VWA1: variants seen among roughly 807,000 people sequenced by gnomAD.
VWA1 encodes the protein von Willebrand factor A domain-containing protein 1.
In VWA1, 12 loss-of-function variants were observed where a neutral mutation model predicts 14.9. The ratio of observed to expected loss-of-function variants is 0.80; its 90% CI spans 0.52 to 1.30. The LOEUF (loss-of-function observed/expected upper bound fraction) is 1.30. Ranked by LOEUF, VWA1 falls within the 50% of genes most tolerant of loss-of-function variation. The pLI, the probability that VWA1 is intolerant of heterozygous loss-of-function variation, is 0.00. For missense variants in VWA1, 800 were observed against 649.1 expected (o/e 1.23, Z -2.53); for synonymous variants, 368 against 310.7 (o/e 1.18, Z -1.94).
chr1:1,439,265 C>A lies in VWA1; in HGVS notation c.816C>A (p.Gly272=). 1 of 1,606,338 alleles carries A rather than the reference C, an allele frequency of 6.2e-7. No individual in the cohort carries two copies. The highest frequency in any genetic ancestry group is 8.5e-7 in the Non-Finnish European group (1 of 1,178,464). The change falls in exon 3 of 3, where the codon GGC becomes GGA. Residue 272 remains glycine, a synonymous_variant. Coordinates refer to ENST00000476993, the MANE Select transcript of VWA1 (RefSeq NM_022834.5). ...ACGCCACGGACTGGATCTGGGCCGG[C>A]CTCGACCCGGACACGGACTACGACG... ...PGNATDWIWA[G]LDPDTDYDVA... is the part of the protein sequence containing the mutation.
At chr1:1,437,693 A>C (rs1013858065) in intron 2 of VWA1, among the ~76,000 whole-genome samples, 6 of 152,290 alleles carry the variant, frequency 3.9e-5, no homozygotes, top group East Asian at 3.9e-4. Context: ...AGACGGGGGC[A>C]GGCTTGAGTA....
Position 1,437,362 on chromosome 1 carries a change from C to T in VWA1, c.509C>T (p.Thr170Ile). ...DLGVTVFIVSTGRGNFLELSA... is the reference protein window; with the variant it reads ...DLGVTVFIVSIGRGNFLELSA... ...GGCGTCACCGTGTTCATTGTCAGCA[C>T]CGGCCGAGGCAACTTCCTGGAGCTG... The change falls in exon 2 of 3, where the codon ACC becomes ATC. Residue 170 changes from threonine to isoleucine, a missense_variant. Transcript: ENST00000476993. 6.2e-7 allele frequency: 1 copy of T among 1,612,752 alleles called. No individual in the cohort carries two copies. Among genetic ancestry groups the T allele is most frequent in the Non-Finnish European group, 8.5e-7 (1 of 1,179,958 alleles).
intron 2 of VWA1, among the ~76,000 whole-genome samples, chr1:1,438,158 C>G (rs1190097370): frequency 1.3e-5 from 2 of 152,168 alleles, no homozygotes; most frequent in Non-Finnish European, 2.9e-5. Context: ...GGGATCTCAC[C>G]AAGTCTCCGT....
Position 1,437,030 on chromosome 1 carries a change from G to T in VWA1, c.177G>T (p.Gln59His), listed in dbSNP as rs763764782. 2 of 1,612,326 alleles carry T rather than the reference G, an allele frequency of 1.2e-6. No homozygotes were observed. Among genetic ancestry groups the T allele is most frequent in the South Asian group, 2.2e-5 (2 of 90,978 alleles). The change falls in exon 2 of 3, where the codon CAG (glutamine) becomes CAT (histidine). Residue 59 changes from glutamine (Q) to histidine (H), a missense_variant. Transcript: ENST00000476993. ...CCCGGGTTCGGGAGTTTGTGGGGCA[G>T]CTGGTGGCTCCACTGCCCCTGGGCA... ...EFSRVREFVGQLVAPLPLGTG... is the reference protein window; with the variant it reads ...EFSRVREFVGHLVAPLPLGTG...
chr1:1,439,481 G>T lies in VWA1; in HGVS notation c.1032G>T (p.Arg344=). Residue 344 remains arginine, a synonymous_variant, in exon 3 of 3, where the codon CGG becomes CGT. Transcript: ENST00000476993. The stretch of plus-strand genomic sequence containing the variant: ...AGCGCATCGTCATCTCCCACGCCCG[G>T]CCGCGCAGCCTCCGCGTGAGTTGGG... ...GPERIVISHA[R]PRSLRVSWAP... The T allele has an allele frequency of 7.0e-7, 1 of 1,419,770 alleles. No homozygotes were observed. Among genetic ancestry groups the T allele is most frequent in the Non-Finnish European group, 9.1e-7 (1 of 1,092,952 alleles). The allele number at this position is 1,419,770 out of a possible 1,614,324, so 87.9% of individuals were successfully genotyped here. A position where few individuals can be genotyped will look rare whatever the true frequency, so the allele number is the denominator to read the frequency against.
At position 1,439,576 on chromosome 1, in the gene VWA1, C is replaced by G; in HGVS notation, c.1127C>G (p.Ala376Gly). The G allele has an allele frequency of 7.7e-7, 1 of 1,303,718 alleles. No homozygotes were observed. Among genetic ancestry groups the G allele is most frequent in the Non-Finnish European group, 9.7e-7 (1 of 1,028,290 alleles). 80.8% of individuals were successfully genotyped at this position (1,303,718 alleles called of 1,614,324 possible). The change falls in exon 3 of 3, where the codon GCG becomes GGG. Residue 376 changes from alanine to glycine, a missense_variant. By Grantham distance (60) the Ala-to-Gly change is moderately conservative (BLOSUM62 0). Transcript: ENST00000476993. ...VQFGPLRGGE[A>G]QRVEVPAGRN... Reference sequence around the variant, plus strand: ...TTCGGGCCGCTGCGGGGCGGGGAGGCGCAGCGGGTGGAGGTGCCCGCGGGC... The same window carrying G: ...TTCGGGCCGCTGCGGGGCGGGGAGGGGCAGCGGGTGGAGGTGCCCGCGGGC...
At chr1:1,437,765 T>G (rs1398393121) in intron 2 of VWA1, among the ~76,000 whole-genome samples, 1 of 151,932 alleles carries the variant, frequency 6.6e-6, no homozygotes, top group Non-Finnish European at 1.5e-5. Context: ...CCCCAGGGAG[T>G]GCAGAGCCCG....
In VWA1 at chr1:1,437,248, G is replaced by A. The variant is rs752565963; in HGVS notation, c.395G>A (p.Arg132Gln). The A allele has an allele frequency of 8.1e-6, 13 of 1,610,310 alleles. No homozygotes were observed. The Admixed American group carries it at 8.4e-5, about 10-fold the overall frequency. The stretch of plus-strand genomic sequence containing the variant: ...CTGTTTGCTGAAGCATCAGGTGCCC[G>A]GCCAGGGGTGCCCAAAGTGCTGGTG... ...EQLFAEASGARPGVPKVLVWV... is the reference protein window; with the variant it reads ...EQLFAEASGAQPGVPKVLVWV... The change falls in exon 2 of 3, where the codon CGG (arginine) becomes CAG (glutamine). Residue 132 changes from arginine (R) to glutamine (Q), a missense_variant. Arg to Gln is a conservative substitution (Grantham distance 43, BLOSUM62 1). Coordinates refer to ENST00000476993, the MANE Select transcript of VWA1 (RefSeq NM_022834.5).
Position 1,435,799 on chromosome 1 carries a change from G to A in VWA1, c.51G>A (p.Leu17=). 1 of 1,184,964 alleles carries A rather than the reference G, an allele frequency of 8.4e-7. No individual in the cohort carries two copies. Among genetic ancestry groups the A allele is most frequent in the Admixed American group, 4.5e-5 (1 of 22,388 alleles). 73.4% of individuals were successfully genotyped at this position (1,184,964 alleles called of 1,614,324 possible). ...TGGCCCTGAGCTTGCGGCTGGCGCT[G>A]GCGCGGAGCGGCGCGGAGCGCGGTG... ...LGLALSLRLA[L]ARSGAERGPP... is the part of the protein sequence containing the mutation. The change falls in exon 1 of 3, where the codon CTG becomes CTA. Residue 17 remains leucine (L), a synonymous_variant. Coordinates refer to ENST00000476993, the MANE Select transcript of VWA1 (RefSeq NM_022834.5).
rs545959625 is a variant in VWA1 at position 1,440,856 on chromosome 1, C to T, written c.*1069C>T. 5 of 152,494 alleles carry T rather than the reference C, an allele frequency of 3.3e-5. No homozygotes were observed. The highest frequency in any genetic ancestry group is 2.1e-4 in the South Asian group (1 of 4,830). The allele number at this position is 152,494 out of a possible 1,614,324, so 9.4% of individuals were successfully genotyped here. On this transcript the variant is annotated 3_prime_UTR_variant, in exon 3 of 3. Coordinates refer to ENST00000476993, the MANE Select transcript of VWA1 (RefSeq NM_022834.5). ...GAACGTCTCCGCCTTTTGGGGTGTCCGGGGAGAGGAGGTGGAGCTGTCCCC... is the reference window on the plus strand; with the variant it reads ...GAACGTCTCCGCCTTTTGGGGTGTCTGGGGAGAGGAGGTGGAGCTGTCCCC...
In VWA1 at chr1:1,440,996, C is replaced by A. The variant is rs988313703; in HGVS notation, c.*1209C>A. 9.8e-5 allele frequency: 15 copies of A among 152,314 alleles called. No individual in the cohort carries two copies. The highest frequency in any genetic ancestry group is 3.6e-4 in the African/African-American group (15 of 41,566). The allele number at this position is 152,314 out of a possible 1,614,324, so 9.4% of individuals were successfully genotyped here. On this transcript the variant is annotated 3_prime_UTR_variant, in exon 3 of 3. Transcript: ENST00000476993. The stretch of plus-strand genomic sequence containing the variant: ...GGCTGGAATGCAGAGGACAAGGGGG[C>A]TGGGGCCTCTGCAGGGCCATTCCCA...
In VWA1 at chr1:1,437,038, C is replaced by T; in HGVS notation, c.185C>T (p.Ala62Val). 3 of 1,611,810 alleles carry T rather than the reference C, an allele frequency of 1.9e-6. No individual in the cohort carries two copies. Among genetic ancestry groups the T allele is most frequent in the Non-Finnish European group, 2.5e-6 (3 of 1,179,518 alleles). The change falls in exon 2 of 3, where the codon GCT (alanine) becomes GTT (valine). Residue 62 changes from alanine (A) to valine (V), a missense_variant. Physicochemically the swap from Ala to Val is moderately conservative, Grantham distance 64. Transcript: ENST00000476993. ...CGGGAGTTTGTGGGGCAGCTGGTGG[C>T]TCCACTGCCCCTGGGCACCGGGGCC... ...RVREFVGQLVAPLPLGTGALR... is the reference protein window; with the variant it reads ...RVREFVGQLVVPLPLGTGALR...
rs990289098 is a variant in VWA1, at chr1:1,439,650, G to C, written c.1201G>C (p.Val401Leu). 7.6e-7 allele frequency: 1 copy of C among 1,322,858 alleles called. No individual in the cohort carries two copies. Among genetic ancestry groups the C allele is most frequent in the Admixed American group, 3.3e-5 (1 of 30,758 alleles). 81.9% of individuals were successfully genotyped at this position (1,322,858 alleles called of 1,614,324 possible). ...CCTGGCGCCGGGCACCGCCTACCTG[G>C]TGACCGTGACCGCCGCCTTCCGCTC... ...QGLAPGTAYL[V>L]TVTAAFRSGR... Residue 401 changes from valine to leucine, a missense_variant, in exon 3 of 3, where the codon GTG becomes CTG. Coordinates refer to ENST00000476993, the MANE Select transcript of VWA1 (RefSeq NM_022834.5).
At position 1,442,501 on chromosome 1, in the gene VWA1, T is replaced by A. The variant is rs570528584; in HGVS notation, c.*2714T>A. On this transcript the variant is annotated 3_prime_UTR_variant, in exon 3 of 3. Coordinates refer to ENST00000476993, the MANE Select transcript of VWA1 (RefSeq NM_022834.5). ...CACCTGCGCCAGTTTCCACCCTCTCTGTGAGCAGGGCTGCGGTCACCTCCC... is the reference window on the plus strand; with the variant it reads ...CACCTGCGCCAGTTTCCACCCTCTCAGTGAGCAGGGCTGCGGTCACCTCCC... 7 of 152,464 alleles carry A rather than the reference T, an allele frequency of 4.6e-5. No individual in the cohort carries two copies. The highest frequency in any genetic ancestry group is 1.7e-4 in the African/African-American group (7 of 41,596). 9.4% of individuals were successfully genotyped at this position (152,464 alleles called of 1,614,324 possible). A position where few individuals can be genotyped will look rare whatever the true frequency, so the allele number is the denominator to read the frequency against.
rs756958040 is a variant in VWA1, at chr1:1,437,344, C to T, written c.491C>T (p.Thr164Ile). ...CAGGAGCTCAAGGACCTGGGCGTCA[C>T]CGTGTTCATTGTCAGCACCGGCCGA... ...PMQELKDLGVTVFIVSTGRGN... is the reference protein window; with the variant it reads ...PMQELKDLGVIVFIVSTGRGN... The change falls in exon 2 of 3, where the codon ACC becomes ATC. Residue 164 changes from threonine (T) to isoleucine (I), a missense_variant. Thr to Ile is a moderately conservative substitution (Grantham distance 89). Transcript: ENST00000476993. The T allele has an allele frequency of 1.9e-6, 3 of 1,612,656 alleles. No homozygotes were observed. The highest frequency in any genetic ancestry group is 2.5e-6 in the Non-Finnish European group (3 of 1,179,918).
rs1395922164 is a variant in VWA1 at position 1,439,688 on chromosome 1, C to A, written c.1239C>A (p.Ser413Arg). The A allele has an allele frequency of 5.5e-6, 7 of 1,276,816 alleles. No individual in the cohort carries two copies. Among genetic ancestry groups the A allele is most frequent in the Non-Finnish European group, 7.0e-6 (7 of 1,002,142 alleles). The allele number at this position is 1,276,816 out of a possible 1,614,324, so 79.1% of individuals were successfully genotyped here. A position where few individuals can be genotyped will look rare whatever the true frequency, so the allele number is the denominator to read the frequency against. The change falls in exon 3 of 3, where the codon AGC becomes AGA. Residue 413 changes from serine (S) to arginine (R), a missense_variant. Ser to Arg is a moderately radical substitution (Grantham distance 110). Coordinates refer to ENST00000476993, the MANE Select transcript of VWA1 (RefSeq NM_022834.5). ...VTAAFRSGRESALSAKACTPD... is the reference protein window; with the variant it reads ...VTAAFRSGRERALSAKACTPD... ...CCGCCTTCCGCTCGGGCCGCGAGAG[C>A]GCGCTGTCCGCCAAGGCCTGCACGC...
At position 1,437,068 on chromosome 1, in the gene VWA1, G is replaced by A. The variant is rs373253370; in HGVS notation, c.215G>A (p.Arg72His). The A allele has an allele frequency of 3.7e-5, 59 of 1,609,410 alleles. No individual in the cohort carries two copies. Among genetic ancestry groups the A allele is most frequent in the Non-Finnish European group, 4.8e-5 (56 of 1,177,980 alleles). Residue 72 changes from arginine (R) to histidine (H), a missense_variant, in exon 2 of 3, where the codon CGT becomes CAT. By Grantham distance (29) the Arg-to-His change is conservative (BLOSUM62 0). Transcript: ENST00000476993. Reference protein sequence around the residue: ...APLPLGTGALRASLVHVGSRP... With the variant: ...APLPLGTGALHASLVHVGSRP... ...CTGCCCCTGGGCACCGGGGCCCTGC[G>A]TGCCAGTCTGGTGCACGTGGGCAGT...
Position 1,439,777 on chromosome 1 carries a change from G to A in VWA1, c.1328G>A (p.Arg443His), listed in dbSNP as rs1392936590. ...GCCCCGACCCCGGGGACCGCCAGCCGTGAGCCGTAAGCCGGCGTCCCCGCC... is the reference window on the plus strand; with the variant it reads ...GCCCCGACCCCGGGGACCGCCAGCCATGAGCCGTAAGCCGGCGTCCCCGCC... ...PRAPTPGTAS[R>H]EP The change falls in exon 3 of 3, where the codon CGT (arginine) becomes CAT (histidine). Residue 443 changes from arginine (R) to histidine (H), a missense_variant. Coordinates refer to ENST00000476993, the MANE Select transcript of VWA1 (RefSeq NM_022834.5). The A allele has an allele frequency of 9.3e-7, 1 of 1,080,474 alleles. No individual in the cohort carries two copies. The highest frequency in any genetic ancestry group is 1.1e-6 in the Non-Finnish European group (1 of 891,940). The allele number at this position is 1,080,474 out of a possible 1,614,324, so 66.9% of individuals were successfully genotyped here.
At position 1,439,103 on chromosome 1, in the gene VWA1, C is replaced by A; in HGVS notation, c.654C>A (p.Leu218=). Residue 218 remains leucine, a synonymous_variant, in exon 3 of 3, where the codon CTC becomes CTA. Coordinates refer to ENST00000476993, the MANE Select transcript of VWA1 (RefSeq NM_022834.5). The stretch of plus-strand genomic sequence containing the variant: ...CAGACGCGATGCGGCCGCAGCAGCT[C>A]CATGCCACGGAGATCACGTCCAGCG... ...SILDAMRPQQ[L]HATEITSSGF... The A allele has an allele frequency of 6.3e-7, 1 of 1,599,590 alleles. No homozygotes were observed. Among genetic ancestry groups the A allele is most frequent in the Non-Finnish European group, 8.5e-7 (1 of 1,179,476 alleles).
Sources: allele counts gnomAD v4.1 joint callset (sites outside exome capture counted in the v4.1 genomes callset), GRCh38; gene constraint gnomAD v4.1.1; transcripts MANE v1.5; gene names NCBI Gene and HGNC (gene_info 2026-07-23, HGNC 2026-07-21).